SLC38A1: variants seen among roughly 807,000 people sequenced by gnomAD.
SLC38A1 encodes the protein solute carrier family 38 member 1, also known as sodium-coupled neutral amino acid symporter 1.
In SLC38A1, 18 loss-of-function variants were observed where a neutral mutation model predicts 60.3. That is an observed-to-expected ratio of 0.30 (90% CI 0.21 to 0.44). The LOEUF is 0.44. SLC38A1 is among the 20% of genes least tolerant of loss of function. SLC38A1 has a pLI of 1.00. For synonymous variants in SLC38A1, 196 were observed against 212.1 expected, an observed-to-expected ratio of 0.92 and a Z score of 0.66; for missense variants, 448 against 587.2, an observed-to-expected ratio of 0.76 and a Z score of 2.45.
At chr12:46,253,778 G>A (rs1197972440) in intron 1 of SLC38A1, among the ~76,000 whole-genome samples, 1 of 152,032 alleles carries the variant, frequency 6.6e-6, no homozygotes. Flanking sequence ...CCTTTTATAA[G>A]AGAACCCTTA....
At chr12:46,189,105 T>C (rs1341041610) in intron 16 of SLC38A1, 34 bp from the exon 17 acceptor site, 1 of 1,583,736 alleles carries the variant, frequency 6.3e-7, no homozygotes, top group Non-Finnish European at 8.7e-7. Context: ...TTATTTTCAG[T>C]GCAGCAAAAT....
At chr12:46,206,011 T>C (rs1012943460) in intron 9 of SLC38A1, 69 bp downstream of exon 9, 23 of 927,278 alleles carry the variant, frequency 2.5e-5, no homozygotes, top group Non-Finnish European at 3.3e-5. Context: ...GGCAACACTG[T>C]CCATTTTTAT....
rs961262282 is a variant in SLC38A1, at chr12:46,185,463, G to C, written c.*3507C>G. The C allele has an allele frequency of 6.6e-6, 1 of 152,022 alleles. No homozygotes were observed. The highest frequency in any genetic ancestry group is 2.4e-5 in the African/African-American group (1 of 41,390). 9.4% of individuals were successfully genotyped at this position (152,022 alleles called of 1,614,324 possible). ...TCTGTAACTGTAAAAAAGGAAAGTG[G>C]GTGGAGAGGTTTTTTTTTCCCCCTT... is the stretch of plus-strand genomic sequence containing the variant. On this transcript the variant is annotated 3_prime_UTR_variant, in exon 17 of 17. Coordinates refer to ENST00000398637, the MANE Select transcript of SLC38A1 (RefSeq NM_030674.4).
intron 16 of SLC38A1, among the ~76,000 whole-genome samples, chr12:46,189,432 G>C (rs1939051040): frequency 6.6e-6 from 1 of 152,016 alleles, no homozygotes; most frequent in Non-Finnish European, 1.5e-5. Context: ...AAATATCCAG[G>C]TCATTTTGTT....
At chr12:46,219,450 C>G (rs1158825329) in intron 5 of SLC38A1, among the ~76,000 whole-genome samples, 1 of 152,144 alleles carries the variant, frequency 6.6e-6, no homozygotes, top group Non-Finnish European at 1.5e-5. Flanking sequence ...CTTACCTAGC[C>G]AGCCACACAA....
At chr12:46,236,421 T>C (rs1941261922) in intron 3 of SLC38A1, among the ~76,000 whole-genome samples, 1 of 152,146 alleles carries the variant, frequency 6.6e-6, no homozygotes, top group Non-Finnish European at 1.5e-5. Context: ...CAGATAATAG[T>C]GCATTAAACA....
intron 16 of SLC38A1, among the ~76,000 whole-genome samples, chr12:46,192,771 T>C (rs1416288930): frequency 6.6e-6 from 1 of 152,178 alleles, no homozygotes; most frequent in Non-Finnish European, 1.5e-5. Flanking sequence ...GTGGGATCGG[T>C]GGTGATATCC....
In SLC38A1 at chr12:46,213,656, A is replaced by G. The variant is rs144609845; in HGVS notation, c.315-4529T>C. On this transcript the variant is annotated intron_variant, in intron 5 of 16. Transcript: ENST00000398637. ...TCTCCAAAATTTATCCCAAATCCAT[A>G]GGCATTTTGTTCCCATCTCCACTCT... Among the ~76,000 whole-genome samples the G allele has an allele frequency of 2.0e-5, 3 of 152,308 alleles. No individual in the cohort carries two copies. The East Asian group carries it at 5.8e-4, about 29-fold the overall frequency.
chr12:46,205,798 T>C (rs1351019295), intron 9 of SLC38A1, among the ~76,000 whole-genome samples: 7 of 152,078 alleles, frequency 4.6e-5, no homozygotes. Context: ...TTTCTTAGAG[T>C]AGCATATAAG....
At chr12:46,231,199 A>T (rs1052944600) in intron 3 of SLC38A1, among the ~76,000 whole-genome samples, 1 of 152,186 alleles carries the variant, frequency 6.6e-6, no homozygotes, top group Non-Finnish European at 1.5e-5. Context: ...GAAACAGAAC[A>T]TCAAAACCTG....
At chr12:46,232,235 A>T (rs969090381) in intron 3 of SLC38A1, among the ~76,000 whole-genome samples, 2 of 152,232 alleles carry the variant, frequency 1.3e-5, no homozygotes, top group Non-Finnish European at 2.9e-5. Context: ...ACAAGAGCTG[A>T]CATTCGGACA....
intron 5 of SLC38A1, among the ~76,000 whole-genome samples, chr12:46,212,933 G>A (rs926246881): frequency 6.6e-6 from 1 of 152,186 alleles, no homozygotes; most frequent in African/African-American, 2.4e-5. Flanking sequence ...GGACCTATTT[G>A]TATCTACTTG....
chr12:46,210,751 G>C (rs1420256014), intron 5 of SLC38A1, among the ~76,000 whole-genome samples: 1 of 152,150 alleles, frequency 6.6e-6, no homozygotes, highest in African/African-American at 2.4e-5. Flanking sequence ...TCTCTTGTCT[G>C]CGGGCAAGTA....
In SLC38A1 at chr12:46,209,080, A is replaced by C; in HGVS notation, c.362T>G (p.Leu121Arg). The C allele has an allele frequency of 6.2e-7, 1 of 1,611,860 alleles. No individual in the cohort carries two copies. The highest frequency in any genetic ancestry group is 8.5e-7 in the Non-Finnish European group (1 of 1,178,718). ...VTLLSIYSIN[L>R]LLICSKETGC... ...TGTTTCTTTTGAACAGATCAATAGG[A>C]GGTTTATTGAATATATAGACAGCAA... Residue 121 changes from leucine (L) to arginine (R), a missense_variant, in exon 6 of 17, where the codon CTC (leucine) becomes CGC (arginine). Coordinates refer to ENST00000398637, the MANE Select transcript of SLC38A1 (RefSeq NM_030674.4).
In SLC38A1 at chr12:46,184,102, G is replaced by C. The variant is rs1448389509; in HGVS notation, c.*4868C>G. The C allele has an allele frequency of 6.6e-6, 1 of 152,566 alleles. No homozygotes were observed. The highest frequency in any genetic ancestry group is 2.4e-5 in the African/African-American group (1 of 41,416). 9.5% of individuals were successfully genotyped at this position (152,566 alleles called of 1,614,324 possible). ...TTGAGCCTGTATACAGATGGGCCCA[G>C]TTTCATAGCCCTTCCTTAGATAAAA... On this transcript the variant is annotated 3_prime_UTR_variant, in exon 17 of 17. Transcript: ENST00000398637.
In SLC38A1 at chr12:46,249,168, A is replaced by AAGAAAAAAG. The variant is rs1555191156; in HGVS notation, c.-208-5855_-208-5854insCTTTTTTCT. 1.1e-4 allele frequency among the ~76,000 whole-genome samples: 14 copies of AAGAAAAAAG among 126,478 alleles called. 1 individual carries two copies. Among genetic ancestry groups the AAGAAAAAAG allele is most frequent in the African/African-American group, 2.6e-4 (9 of 34,040 alleles). The allele number at this position is 126,478 out of a possible 152,430, so 83.0% of individuals were successfully genotyped here. A position where few individuals can be genotyped will look rare whatever the true frequency, so the allele number is the denominator to read the frequency against. ...GAGACTCCGCCTCAAAAAAAAAAAA[A>AAGAAAAAAG]AAAAAAAGAAACTCACTCAAAACCG... On this transcript the variant is annotated intron_variant, in intron 1 of 16. Coordinates refer to ENST00000398637, the MANE Select transcript of SLC38A1 (RefSeq NM_030674.4).
intron 14 of SLC38A1, among the ~76,000 whole-genome samples, chr12:46,198,342 C>T (rs1381729443): frequency 6.6e-6 from 1 of 152,106 alleles, no homozygotes; most frequent in Non-Finnish European, 1.5e-5. Context: ...TTTATATTCT[C>T]TCTTCATGTC....
At chr12:46,215,522 C>T (rs1940368549) in intron 5 of SLC38A1, among the ~76,000 whole-genome samples, 1 of 152,056 alleles carries the variant, frequency 6.6e-6, no homozygotes, top group African/African-American at 2.4e-5. Context: ...AGTGATTCTC[C>T]TGCCTCTCCT....
At chr12:46,250,490 C>A (rs1941797772) in intron 1 of SLC38A1, among the ~76,000 whole-genome samples, 1 of 152,110 alleles carries the variant, frequency 6.6e-6, no homozygotes, top group South Asian at 2.1e-4. Flanking sequence ...CTGGCCAGGG[C>A]AATCAGGCAA....
Sources: gnomAD v4.1 joint callset for allele counts (sites outside exome capture counted in the v4.1 genomes callset) on GRCh38, gnomAD v4.1.1 for gene constraint, MANE v1.5 for transcripts, NCBI Gene and HGNC (gene_info 2026-07-23, HGNC 2026-07-21) for gene names.